CES5A: variants seen among roughly 807,000 people sequenced by gnomAD.
The protein encoded by CES5A is carboxylesterase 5A.
Under a neutral mutation model 62.9 loss-of-function variants are expected in CES5A, and 67 were observed. The observed-to-expected ratio is 1.07, with a 90% CI of 0.88 to 1.31. CES5A has a LOEUF of 1.31. CES5A is among the 50% of genes most tolerant of loss of function. CES5A has a pLI of 0.00. For missense variants in CES5A, 748 were observed against 708.5 expected, an observed-to-expected ratio of 1.06 and a Z score of -0.63; for synonymous variants, 296 against 280.8, an observed-to-expected ratio of 1.05 and a Z score of -0.54.
intron 1 of CES5A, among the ~76,000 whole-genome samples, chr16:55,900,175 G>A (rs951219068): frequency 4.6e-5 from 7 of 152,138 alleles, no homozygotes; most frequent in African/African-American, 1.7e-4. Flanking sequence ...ACGGGAAATG[G>A]CTTCTTTCTC....
chr16:55,849,854 T>A (rs1355327824), intron 10 of CES5A, 81 bp from the exon 11 acceptor site: 6 of 1,471,320 alleles, frequency 4.1e-6, no homozygotes, highest in Admixed American at 1.8e-5. Flanking sequence ...TATCAAGTCT[T>A]GGATGTATAG....
At chr16:55,946,773 C>T (rs949592985) in intron 2 of CES5A, among the ~76,000 whole-genome samples, 3 of 152,232 alleles carry the variant, frequency 2.0e-5, no homozygotes, top group Non-Finnish European at 4.4e-5. Context: ...GGCAGCTCTG[C>T]TGATCTCACT....
intron 1 of CES5A, among the ~76,000 whole-genome samples, chr16:55,915,342 C>T (rs767219190): frequency 7.9e-5 from 12 of 152,002 alleles, no homozygotes; most frequent in Non-Finnish European, 1.8e-4. Flanking sequence ...TGCAGAAGGG[C>T]TTTCATCCTG....
chr16:55,944,183 A>G (rs1289381402), intron 2 of CES5A: 1 of 695,036 alleles, frequency 1.4e-6, no homozygotes, highest in Non-Finnish European at 2.6e-6. Context: ...CTTGGGTCCC[A>G]GTCCTGGTTC....
intron 6 of CES5A, among the ~76,000 whole-genome samples, chr16:55,863,054 A>G (rs1347369348): frequency 6.6e-6 from 1 of 152,244 alleles, no homozygotes; most frequent in Admixed American, 6.5e-5. Flanking sequence ...GAAGAACTGT[A>G]TAGAATACAG....
At chr16:55,892,672 GT>G (rs2033892541) in intron 1 of CES5A, among the ~76,000 whole-genome samples, 1 of 150,560 alleles carries the variant, frequency 6.6e-6, no homozygotes, top group Non-Finnish European at 1.5e-5. Context: ...TTTGCTTCCA[GT>G]TAGGACATAG....
intron 1 of CES5A, among the ~76,000 whole-genome samples, chr16:55,921,423 A>G (rs1307230990): frequency 6.6e-6 from 1 of 152,066 alleles, no homozygotes; most frequent in Non-Finnish European, 1.5e-5. Context: ...CAGACTTCTC[A>G]ATGGAAATCA....
At chr16:55,936,373 C>T (rs1482690749) in intron 2 of CES5A, among the ~76,000 whole-genome samples, 2 of 152,194 alleles carry the variant, frequency 1.3e-5, no homozygotes, top group Non-Finnish European at 2.9e-5. Context: ...ACTGGAAAAT[C>T]CATTTGAGGA....
intron 1 of CES5A, among the ~76,000 whole-genome samples, chr16:55,883,265 T>TTTTTG (rs1212051404): frequency 1.1e-4 from 16 of 152,134 alleles, no homozygotes; most frequent in South Asian, 4.2e-4. Flanking sequence ...TTTTTTTTGT[T>TTTTTG]TTTTGTTTTG....
upstream of CES5A, among the ~76,000 whole-genome samples, chr16:55,929,306 G>A (rs149689520): frequency 2.0e-5 from 3 of 152,212 alleles, no homozygotes; most frequent in African/African-American, 7.2e-5. Context: ...TGGCTCGCAA[G>A]CCTGGCTGGC....
chr16:55,866,056 G>A lies in CES5A; in HGVS notation c.612C>T (p.Ser204=). Residue 204 remains serine, a synonymous_variant, in exon 5 of 13, where the codon TCC becomes TCT. Transcript: ENST00000290567. ...AGAACTCGATGTTCTTCTGGACCCA[G>A]GACAGAGCAGCCACCTGGTCCTTGA... ...WAFKDQVAAL[S]WVQKNIEFFG... The A allele has an allele frequency of 3.1e-6, 5 of 1,614,176 alleles. No individual in the cohort carries two copies. The highest frequency in any genetic ancestry group is 2.2e-5 in the East Asian group (1 of 44,880).
At chr16:55,938,033 CACA>C (rs769558319) in intron 2 of CES5A, among the ~76,000 whole-genome samples, 20 of 152,166 alleles carry the variant, frequency 1.3e-4, no homozygotes, top group Admixed American at 5.9e-4. Context: ...TTTTTCTACC[CACA>C]ACAATTTTCT....
At chr16:55,864,491 T>C (rs575698506) in intron 5 of CES5A, among the ~76,000 whole-genome samples, 54 of 152,356 alleles carry the variant, frequency 3.5e-4, no homozygotes, top group African/African-American at 1.1e-3. Flanking sequence ...TCACTTGTTA[T>C]TGTAATTACA....
At position 55,863,436 on chromosome 16, in the gene CES5A, G is replaced by A. The variant is rs537255944; in HGVS notation, c.722C>T (p.Ala241Val). 1 of 1,593,318 alleles carries A rather than the reference G, an allele frequency of 6.3e-7. No individual in the cohort carries two copies. The highest frequency in any genetic ancestry group is 1.7e-5 in the Admixed American group (1 of 60,010). Residue 241 changes from alanine to valine, a missense_variant, in exon 6 of 13, where the codon GCC becomes GTC. Coordinates refer to ENST00000290567, the MANE Select transcript of CES5A (RefSeq NM_001143685.2). ...SVSSLILSPMAKGLFHKAIME... is the reference protein window; with the variant it reads ...SVSSLILSPMVKGLFHKAIME... ...GATGGCTTTGTGGAATAAGCCTTTG[G>A]CCATGGGAGACAGTATCTGGAGAGA...
chr16:55,938,163 C>G (rs1423291089), intron 2 of CES5A, among the ~76,000 whole-genome samples: 1 of 152,138 alleles, frequency 6.6e-6, no homozygotes, highest in East Asian at 1.9e-4. Context: ...CCTTTCGTCA[C>G]AGGAAGCTGC....
intron 1 of CES5A, chr16:55,925,275 A>T (rs1269046405): frequency 6.6e-6 from 1 of 152,038 alleles, no homozygotes; most frequent in Non-Finnish European, 1.5e-5. Context: ...CAACATCACT[A>T]ATCATCAGAG....
At chr16:55,920,287 A>G (rs1298995554) in intron 1 of CES5A, among the ~76,000 whole-genome samples, 1 of 152,206 alleles carries the variant, frequency 6.6e-6, no homozygotes, top group Admixed American at 6.5e-5. Flanking sequence ...GAGAAGAGCA[A>G]CCAACTTCTC....
chr16:55,935,563 C>A (rs973219570), intron 2 of CES5A, among the ~76,000 whole-genome samples: 4 of 152,166 alleles, frequency 2.6e-5, no homozygotes, highest in Admixed American at 1.3e-4. Flanking sequence ...AATATGATTT[C>A]TTCTCCTTCC....
intron 2 of CES5A, among the ~76,000 whole-genome samples, chr16:55,935,238 T>C (rs76727559): frequency 0.045 from 6,930 of 152,318 alleles, 372 homozygotes; most frequent in African/African-American, 0.12. Context: ...CCACTCACTG[T>C]GCCTGGTCTA....
Sources: allele counts gnomAD v4.1 joint callset (sites outside exome capture counted in the v4.1 genomes callset), GRCh38; gene constraint gnomAD v4.1.1; transcripts MANE v1.5; gene names NCBI Gene and HGNC (gene_info 2026-07-23, HGNC 2026-07-21).